PCDH9: variants seen among roughly 807,000 people sequenced by gnomAD.
PCDH9 encodes protocadherin-9.
PCDH9 carries 24 observed loss-of-function variants against 70.6 expected under a neutral mutation model. The observed-to-expected ratio is 0.34, with a 90% CI of 0.25 to 0.48. The LOEUF (loss-of-function observed/expected upper bound fraction) is 0.48, where lower values mean the gene tolerates loss of function less well. Among genes scored for constraint, PCDH9 ranks in the 20% least tolerant of loss-of-function variants. The pLI is 0.99. For missense variants in PCDH9, 1,281 were observed against 1,503.6 expected (o/e 0.85, Z 2.45); for synonymous variants, 562 against 558.5 (o/e 1.01, Z -0.09).
intron 2 of PCDH9, among the ~76,000 whole-genome samples, chr13:67,084,966 CAAAAAAAAAAAAAAA>C (rs1158690945): frequency 4.8e-5 from 2 of 41,462 alleles, no homozygotes; most frequent in South Asian, 2.1e-3. Flanking sequence ...GATGCTGTCT[CAAAAAAAAAAAAAAA>C]AAAAAAAAAA....
intron 3 of PCDH9, among the ~76,000 whole-genome samples, chr13:66,840,030 A>C (rs574539354): frequency 5.9e-5 from 9 of 152,246 alleles, no homozygotes; most frequent in African/African-American, 2.2e-4. Context: ...ATCTCACTCC[A>C]CCTGGACAGG....
At position 66,985,427 on chromosome 13, in the gene PCDH9, T is replaced by A. The variant is rs940531858; in HGVS notation, c.3037-81822A>T. 3 of 152,262 alleles carry A rather than the reference T, an allele frequency of 2.0e-5. No individual in the cohort carries two copies. In the East Asian group the frequency reaches 5.8e-4, roughly 29 times the overall value. The allele number at this position is 152,262 out of a possible 1,614,324, so 9.4% of individuals were successfully genotyped here. A position where few individuals can be genotyped will look rare whatever the true frequency, so the allele number is the denominator to read the frequency against. On this transcript the variant is annotated intron_variant, in intron 2 of 4. Transcript: ENST00000377865. ...TTCCATAATTTGACCCATGAATAAG[T>A]AACTATTCCTAGTATAGTACATTGT...
At chr13:67,141,243 A>G (rs941620839) in intron 2 of PCDH9, among the ~76,000 whole-genome samples, 1 of 152,084 alleles carries the variant, frequency 6.6e-6, no homozygotes, top group African/African-American at 2.4e-5. Context: ...GAAAAAGTGA[A>G]ATGAGTTGAA....
At chr13:66,987,151 T>C (rs919445618) in intron 2 of PCDH9, among the ~76,000 whole-genome samples, 3 of 152,096 alleles carry the variant, frequency 2.0e-5, no homozygotes, top group South Asian at 2.1e-4. Flanking sequence ...GTAAATAAAA[T>C]TGGCTCTGAT....
chr13:67,117,067 G>T (rs981183318), intron 2 of PCDH9, among the ~76,000 whole-genome samples: 1 of 151,754 alleles, frequency 6.6e-6, no homozygotes, highest in African/African-American at 2.4e-5. Context: ...TCCAATCAAA[G>T]AAAAAAACAG....
At chr13:67,175,779 TTCTA>T (rs1483205974) in intron 2 of PCDH9, among the ~76,000 whole-genome samples, 1 of 152,190 alleles carries the variant, frequency 6.6e-6, no homozygotes, top group Non-Finnish European at 1.5e-5. Flanking sequence ...ATACCTCCAA[TTCTA>T]TCTCCCTTAA....
At chr13:66,660,734 A>C (rs892850654) in intron 3 of PCDH9, among the ~76,000 whole-genome samples, 1 of 151,930 alleles carries the variant, frequency 6.6e-6, no homozygotes, top group Non-Finnish European at 1.5e-5. Flanking sequence ...GGAATACAGA[A>C]AGAAAATAGA....
At chr13:66,432,079 T>G (rs1027034818) in intron 4 of PCDH9, among the ~76,000 whole-genome samples, 4 of 152,038 alleles carry the variant, frequency 2.6e-5, no homozygotes, top group African/African-American at 7.2e-5. Context: ...TGCAGTTTCC[T>G]TTACATTTAA....
At chr13:66,637,709 C>T (rs879778721) in intron 3 of PCDH9, among the ~76,000 whole-genome samples, 13 of 151,882 alleles carry the variant, frequency 8.6e-5, no homozygotes, top group African/African-American at 2.4e-4. Context: ...GTCAGGATAT[C>T]GAGACCATGC....
At chr13:67,023,436 T>C (rs1388275634) in intron 2 of PCDH9, among the ~76,000 whole-genome samples, 2 of 152,134 alleles carry the variant, frequency 1.3e-5, no homozygotes, top group Non-Finnish European at 2.9e-5. Flanking sequence ...ATAATCAACT[T>C]CCAGGAAATA....
chr13:66,833,469 C>G (rs2080963244), intron 3 of PCDH9, among the ~76,000 whole-genome samples: 1 of 152,174 alleles, frequency 6.6e-6, no homozygotes, highest in Non-Finnish European at 1.5e-5. Flanking sequence ...CTCACTCACT[C>G]TGTACGTCTC....
At chr13:66,860,501 C>T (rs771484862) in intron 3 of PCDH9, among the ~76,000 whole-genome samples, 1 of 152,182 alleles carries the variant, frequency 6.6e-6, no homozygotes, top group Non-Finnish European at 1.5e-5. Context: ...TCTGAAAAGA[C>T]ATGGAAAAAT....
At chr13:66,765,384 C>T (rs1018792878) in intron 3 of PCDH9, among the ~76,000 whole-genome samples, 1 of 151,936 alleles carries the variant, frequency 6.6e-6, no homozygotes, top group Non-Finnish European at 1.5e-5. Flanking sequence ...TAAACACATG[C>T]TAATGTCTTA....
At chr13:66,770,169 A>G (rs2079783589) in intron 3 of PCDH9, among the ~76,000 whole-genome samples, 1 of 152,140 alleles carries the variant, frequency 6.6e-6, no homozygotes, top group African/African-American at 2.4e-5. Context: ...TAGATAGAAA[A>G]GATACTACTT....
At chr13:66,837,624 G>T (rs904957430) in intron 3 of PCDH9, among the ~76,000 whole-genome samples, 4 of 152,174 alleles carry the variant, frequency 2.6e-5, no homozygotes, top group Non-Finnish European at 5.9e-5. Flanking sequence ...ACACTGTGTA[G>T]GGGACAGAAA....
chr13:67,155,899 A>C (rs991821444), intron 2 of PCDH9, among the ~76,000 whole-genome samples: 1 of 152,238 alleles, frequency 6.6e-6, no homozygotes, highest in Middle Eastern at 3.4e-3. Context: ...CTCAAAATCT[A>C]TGCCTGCTAC....
intron 3 of PCDH9, among the ~76,000 whole-genome samples, chr13:66,640,488 C>G (rs560140716): frequency 6.6e-6 from 1 of 151,856 alleles, no homozygotes; most frequent in Admixed American, 6.6e-5. Context: ...AGACTATGGC[C>G]AGACTGGTAA....
chr13:66,872,285 C>T (rs1457795078), intron 3 of PCDH9, among the ~76,000 whole-genome samples: 2 of 152,102 alleles, frequency 1.3e-5, no homozygotes, highest in African/African-American at 4.8e-5. Context: ...AATTTATTTT[C>T]ATTGAGTTAG....
intron 3 of PCDH9, among the ~76,000 whole-genome samples, chr13:66,891,357 C>T (rs1319448056): frequency 1.3e-5 from 2 of 151,982 alleles, no homozygotes; most frequent in African/African-American, 2.4e-5. Context: ...ATGGCCTCAG[C>T]GGAAATGCTT....
Sources: allele counts gnomAD v4.1 joint callset (sites outside exome capture counted in the v4.1 genomes callset), GRCh38; gene constraint gnomAD v4.1.1; transcripts MANE v1.5; gene names NCBI Gene and HGNC (gene_info 2026-07-23, HGNC 2026-07-21).